TG: variants seen among roughly 807,000 people sequenced by gnomAD.
The protein encoded by TG is thyroglobulin.
In TG, 270 loss-of-function variants were observed where a neutral mutation model predicts 324.7. That is an observed-to-expected ratio of 0.83 (90% CI 0.75 to 0.92). The LOEUF is 0.92. Among genes scored for constraint, TG ranks in the 40% least tolerant of loss-of-function variants. The pLI, the probability that TG is intolerant of heterozygous loss-of-function variation, is 0.00. For synonymous variants in TG, 1,401 were observed against 1,327.0 expected (o/e 1.06, Z -1.21); for missense variants, 3,591 against 3,456.4 (o/e 1.04, Z -0.98).
intron 41 of TG, among the ~76,000 whole-genome samples, chr8:133,045,838 G>A (rs773221678): frequency 6.6e-6 from 1 of 152,060 alleles, no homozygotes; most frequent in African/African-American, 2.4e-5. Context: ...TCTCCAAGAT[G>A]TGATCCCTAC....
In TG at chr8:132,913,209, C is replaced by T. The variant is rs376342651; in HGVS notation, c.4322C>T (p.Ser1441Leu). Reference sequence around the variant, plus strand: ...TCTCCCAGGACATGGTTTGGGTGCTCGGAAGGATTCTACCAAGTCTTGACA... The same window carrying T: ...TCTCCCAGGACATGGTTTGGGTGCTTGGAAGGATTCTACCAAGTCTTGACA... ...GTSPRTWFGC[S>L]EGFYQVLTSE... Residue 1441 changes from serine (S) to leucine (L), a missense_variant, in exon 20 of 48, where the codon TCG becomes TTG. Physicochemically the swap from Ser to Leu is moderately radical, Grantham distance 145. Coordinates refer to ENST00000220616, the MANE Select transcript of TG (RefSeq NM_003235.5). 40 of 1,613,974 alleles carry T rather than the reference C, an allele frequency of 2.5e-5. No homozygotes were observed. The highest frequency in any genetic ancestry group is 1.6e-4 in the Middle Eastern group (1 of 6,084).
intron 34 of TG, among the ~76,000 whole-genome samples, chr8:132,975,127 C>T (rs10095026): frequency 0.1 from 15,493 of 152,192 alleles, 1,022 homozygotes; most frequent in Middle Eastern, 0.17. Context: ...AATACCTGCC[C>T]AGGTCTTTGA....
chr8:132,956,005 TA>T (rs1367318792), intron 27 of TG, among the ~76,000 whole-genome samples: 2 of 152,250 alleles, frequency 1.3e-5, no homozygotes, highest in Non-Finnish European at 2.9e-5. Context: ...AGGGATATTC[TA>T]ACTCAGTTAT....
At position 132,994,834 on chromosome 8, in the gene TG, T is replaced by C. The variant is rs1832719236; in HGVS notation, c.6262+11422T>C. ...GATGGGGAAAGAGGAGAGAAGGGGC[T>C]GGGTCAGATGATGGAAAGCATTGGT... On this transcript the variant is annotated intron_variant, in intron 35 of 47. Coordinates refer to ENST00000220616, the MANE Select transcript of TG (RefSeq NM_003235.5). 3 of 1,277,520 alleles carry C rather than the reference T, an allele frequency of 2.3e-6. No individual in the cohort carries two copies. The Admixed American group carries it at 7.1e-5, about 30-fold the overall frequency. 79.1% of individuals were successfully genotyped at this position (1,277,520 alleles called of 1,614,324 possible).
chr8:132,901,380 G>T lies in TG; in HGVS notation c.3461G>T (p.Ser1154Ile), dbSNP rs1360662478. 1 of 1,614,102 alleles carries T rather than the reference G, an allele frequency of 6.2e-7. No homozygotes were observed. The highest frequency in any genetic ancestry group is 8.5e-7 in the Non-Finnish European group (1 of 1,180,054). Residue 1154 changes from serine to isoleucine, a missense_variant, in exon 16 of 48, where the codon AGT (serine) becomes ATT (isoleucine). By Grantham distance (142) the Ser-to-Ile change is moderately radical. Transcript: ENST00000220616. ...QCPSLCNVLK[S>I]GVLSRRVSPG... is the part of the protein sequence containing the mutation. ...CCAAGCCTCTGCAATGTGCTCAAGA[G>T]TGGAGTCCTCTCCAGGAGAGTCAGC...
intron 35 of TG, chr8:133,002,483 TAA>T: frequency 1.1e-6 from 1 of 907,624 alleles, no homozygotes; most frequent in East Asian, 1.2e-4. Flanking sequence ...CATTACACAA[TAA>T]ATTCAGACAC....
chr8:132,962,888 T>A, intron 28 of TG, 106 bp from the exon 29 acceptor site: 1 of 1,013,468 alleles, frequency 9.9e-7, no homozygotes, highest in Non-Finnish European at 1.6e-6. Context: ...CTAAGTCACC[T>A]GGCTTTAGGG....
At chr8:133,108,577 T>C (rs1019137202) in intron 43 of TG, among the ~76,000 whole-genome samples, 1 of 152,236 alleles carries the variant, frequency 6.6e-6, no homozygotes, top group African/African-American at 2.4e-5. Flanking sequence ...AGAGCGATTA[T>C]ATAACTTTCC....
chr8:132,991,189 A>G (rs2130766488), intron 35 of TG, among the ~76,000 whole-genome samples: 1 of 152,184 alleles, frequency 6.6e-6, no homozygotes, highest in South Asian at 2.1e-4. Flanking sequence ...CTGCCTCAGC[A>G]GCACCCACCA....
At chr8:132,928,839 G>C (rs1032935392) in intron 22 of TG, among the ~76,000 whole-genome samples, 9 of 152,130 alleles carry the variant, frequency 5.9e-5, no homozygotes, top group Non-Finnish European at 1.2e-4. Flanking sequence ...TTAAATTTCC[G>C]CCTCACTTCG....
intron 41 of TG, among the ~76,000 whole-genome samples, chr8:133,071,017 T>C (rs1843922697): frequency 6.6e-6 from 1 of 152,234 alleles, no homozygotes; most frequent in African/African-American, 2.4e-5. Context: ...TCCCCTGAGA[T>C]TGTGGCCAAG....
chr8:133,126,079 G>T (rs977278252), intron 45 of TG, among the ~76,000 whole-genome samples: 1 of 152,208 alleles, frequency 6.6e-6, no homozygotes, highest in Non-Finnish European at 1.5e-5. Context: ...TGTGAAAAAT[G>T]AGTAAGATAG....
At chr8:133,063,460 C>T (rs1842665559) in intron 41 of TG, 1 of 151,744 alleles carries the variant, frequency 6.6e-6, no homozygotes, top group South Asian at 2.1e-4. Context: ...TCATTCTTCT[C>T]AAGCATTTGC....
At chr8:132,946,116 A>T (rs1825256309) in intron 26 of TG, among the ~76,000 whole-genome samples, 1 of 152,130 alleles carries the variant, frequency 6.6e-6, no homozygotes, top group South Asian at 2.1e-4. Context: ...GAAACAACAT[A>T]ACTCAAATCC....
chr8:133,129,487 TC>T (rs1406149044), intron 45 of TG, among the ~76,000 whole-genome samples: 1 of 151,786 alleles, frequency 6.6e-6, no homozygotes, highest in Non-Finnish European at 1.5e-5. Flanking sequence ...CCCCAGAGAG[TC>T]AATTATTAAA....
chr8:133,012,017 C>T lies in TG; in HGVS notation c.6379C>T (p.Arg2127Ter), dbSNP rs375424292. The change falls in exon 36 of 48, where the codon CGA becomes TGA. Residue 2127 changes from arginine to a stop codon, truncating the protein, a stop_gained. Coordinates refer to ENST00000220616, the MANE Select transcript of TG (RefSeq NM_003235.5). LOFTEE classifies it high-confidence loss of function. The stretch of plus-strand genomic sequence containing the variant: ...TGCCACCAGCAATTTCTCTGCTGTC[C>T]GAGACCTCTGTTTGTCGGGTAAGGG... ...TAATSNFSAV[R>*]DLCLSECSQH... is the part of the protein sequence containing the mutation. 17 of 1,614,050 alleles carry T rather than the reference C, an allele frequency of 1.1e-5. No individual in the cohort carries two copies. The highest frequency in any genetic ancestry group is 6.7e-5 in the East Asian group (3 of 44,896).
chr8:132,982,442 A>G (rs142338573), intron 34 of TG, among the ~76,000 whole-genome samples: 1,576 of 152,334 alleles, frequency 0.01, 36 homozygotes, highest in African/African-American at 0.036. Flanking sequence ...ATTTGCATTT[A>G]TGTGTCACAT....
rs200877580 is a variant in TG at position 132,906,694 on chromosome 8, G to A, written c.3641G>A (p.Arg1214Gln). 3.0e-5 allele frequency: 49 copies of A among 1,614,070 alleles called. No individual in the cohort carries two copies. The highest frequency in any genetic ancestry group is 1.7e-4 in the Middle Eastern group (1 of 5,984). The change falls in exon 17 of 48, where the codon CGG becomes CAG. Residue 1214 changes from arginine (R) to glutamine (Q), a missense_variant. Physicochemically the swap from Arg to Gln is conservative, Grantham distance 43. Transcript: ENST00000220616. ...TGGQPACESP[R>Q]CPLPFNASEV... ...TCCACTTTCCTTCTCCCAGGCCCGCGGTGTCCGCTGCCATTCAACGCGTCG... is the reference window on the plus strand; with the variant it reads ...TCCACTTTCCTTCTCCCAGGCCCGCAGTGTCCGCTGCCATTCAACGCGTCG...
intron 41 of TG, among the ~76,000 whole-genome samples, chr8:133,079,947 AG>A (rs1382450783): frequency 6.6e-6 from 1 of 151,922 alleles, no homozygotes. Context: ...CTCTATGGCT[AG>A]ATGAGTGCTG....
Sources: allele counts gnomAD v4.1 joint callset (sites outside exome capture counted in the v4.1 genomes callset), GRCh38; gene constraint gnomAD v4.1.1; transcripts MANE v1.5; gene names NCBI Gene and HGNC (gene_info 2026-07-23, HGNC 2026-07-21).